FAM222B: variants seen among roughly 807,000 people sequenced by gnomAD.
The protein encoded by FAM222B is protein FAM222B.
FAM222B carries 12 observed loss-of-function variants against 38.0 expected under a neutral mutation model. That is an observed-to-expected ratio of 0.32 (90% CI 0.20 to 0.51). The LOEUF (loss-of-function observed/expected upper bound fraction) is 0.51, where lower values mean the gene tolerates loss of function less well. FAM222B is among the 20% of genes least tolerant of loss of function. The probability of loss-of-function intolerance (pLI) is 0.97; values close to 1 mark genes in which losing one functional copy is unlikely to be tolerated. For missense variants in FAM222B, 716 were observed against 754.2 expected (o/e 0.95, Z 0.59); for synonymous variants, 329 against 317.2 (o/e 1.04, Z -0.40).
intron 1 of FAM222B, among the ~76,000 whole-genome samples, chr17:28,781,172 C>G (rs1453357910): frequency 6.6e-6 from 1 of 152,036 alleles, no homozygotes; most frequent in African/African-American, 2.4e-5. Context: ...GTGGCTCACA[C>G]CTGTAGTCCC....
intron 2 of FAM222B, among the ~76,000 whole-genome samples, chr17:28,766,129 T>C (rs1257765160): frequency 6.6e-6 from 1 of 152,094 alleles, no homozygotes; most frequent in Non-Finnish European, 1.5e-5. Flanking sequence ...ACAATTAAAA[T>C]TGAGATACAA....
At chr17:28,812,498 C>G (rs955838970) in intron 1 of FAM222B, 1 of 152,132 alleles carries the variant, frequency 6.6e-6, no homozygotes. Context: ...CCTGGCTCTT[C>G]GCGAGCCCTC....
At chr17:28,769,257 G>A (rs1311153398) in intron 1 of FAM222B, among the ~76,000 whole-genome samples, 1 of 131,682 alleles carries the variant, frequency 7.6e-6, no homozygotes, top group Non-Finnish European at 1.5e-5. Flanking sequence ...TCGGTTCACT[G>A]CAACCTCCGC....
intron 1 of FAM222B, among the ~76,000 whole-genome samples, chr17:28,779,857 T>G (rs542388644): frequency 1.3e-5 from 2 of 152,096 alleles, no homozygotes; most frequent in African/African-American, 4.8e-5. Flanking sequence ...ATAAAAGCAA[T>G]GTACCTCAAT....
intron 1 of FAM222B, among the ~76,000 whole-genome samples, chr17:28,807,065 G>A (rs536153982): frequency 1.3e-5 from 2 of 151,268 alleles, no homozygotes; most frequent in Admixed American, 6.6e-5. Flanking sequence ...GCCCAGGCTG[G>A]AGTGCAATGG....
intron 1 of FAM222B, among the ~76,000 whole-genome samples, chr17:28,817,402 G>C (rs1390339337): frequency 1.4e-5 from 2 of 147,384 alleles, no homozygotes; most frequent in Non-Finnish European, 3.0e-5. Context: ...AACAGAGTGA[G>C]ACTCTGTCTC....
intron 1 of FAM222B, among the ~76,000 whole-genome samples, chr17:28,819,876 C>CCAAATG (rs1361303882): frequency 6.6e-6 from 1 of 152,152 alleles, no homozygotes; most frequent in African/African-American, 2.4e-5. Context: ...TTAGCAGTCA[C>CCAAATG]CAAATGCAAA....
At chr17:28,787,372 T>C (rs1156299134) in intron 1 of FAM222B, among the ~76,000 whole-genome samples, 1 of 152,226 alleles carries the variant, frequency 6.6e-6, no homozygotes, top group Non-Finnish European at 1.5e-5. Flanking sequence ...AGCCTGAGTA[T>C]GGACCATGAG....
intron 1 of FAM222B, among the ~76,000 whole-genome samples, chr17:28,768,836 CAAAAAAAA>C (rs71359249): frequency 2.5e-4 from 18 of 70,888 alleles, no homozygotes; most frequent in African/African-American, 4.4e-4. Flanking sequence ...AACTCTGTCT[CAAAAAAAA>C]AAAAAAAAAA....
intron 1 of FAM222B, among the ~76,000 whole-genome samples, chr17:28,814,507 A>C (rs941750776): frequency 1.2e-4 from 19 of 152,078 alleles, no homozygotes; most frequent in Non-Finnish European, 2.4e-4. Flanking sequence ...CCCAAGCTGG[A>C]GTGCAGTGGT....
rs141957002 is a variant in FAM222B at position 28,803,695 on chromosome 17, T to C, written c.-40-36988A>G. On this transcript the variant is annotated intron_variant, in intron 1 of 2. Coordinates refer to ENST00000581407, the MANE Select transcript of FAM222B (RefSeq NM_001077498.3). ...CAGAAGACACCAACAATGAAGACAT[T>C]TCAGCCAGGTGCGGTGGCTCACGCC... 6.9e-3 allele frequency among the ~76,000 whole-genome samples: 1,044 copies of C among 152,126 alleles called. 19 individuals carry two copies. The highest frequency in any genetic ancestry group is 0.024 in the African/African-American group (1,000 of 41,474).
chr17:28,775,315 T>A (rs948608479), intron 1 of FAM222B, among the ~76,000 whole-genome samples: 1 of 151,992 alleles, frequency 6.6e-6, no homozygotes, highest in African/African-American at 2.4e-5. Context: ...GAGGAGAAGA[T>A]AAAGTACTGG....
intron 1 of FAM222B, chr17:28,812,018 A>AT (rs1272158525): frequency 6.6e-6 from 1 of 152,216 alleles, no homozygotes; most frequent in Non-Finnish European, 1.5e-5. Flanking sequence ...AAAAGAGATA[A>AT]GAGTCCTGAA....
intron 1 of FAM222B, among the ~76,000 whole-genome samples, chr17:28,815,881 C>T (rs1289907714): frequency 2.0e-5 from 3 of 151,422 alleles, no homozygotes; most frequent in African/African-American, 7.3e-5. Flanking sequence ...GTAGGAGAAT[C>T]GCTTGAAACC....
intron 1 of FAM222B, among the ~76,000 whole-genome samples, chr17:28,799,806 G>T (rs1247151609): frequency 4.6e-5 from 7 of 151,942 alleles, no homozygotes; most frequent in Admixed American, 4.6e-4. Context: ...ACAAGATCTC[G>T]GCTGTTGCCC....
Position 28,837,432 on chromosome 17 carries a change from A to G in FAM222B, c.-41+5250T>C, listed in dbSNP as rs577137368. 2.9e-3 allele frequency among the ~76,000 whole-genome samples: 436 copies of G among 151,350 alleles called. 4 individuals carry two copies. The highest frequency in any genetic ancestry group is 0.01 in the African/African-American group (421 of 41,416). The stretch of plus-strand genomic sequence containing the variant: ...GCGACCGAGGGAGACTCCGTCTCAA[A>G]AAAAAAAAAAATAAATAAATAAATT... On this transcript the variant is annotated intron_variant, in intron 1 of 2. Coordinates refer to ENST00000581407, the MANE Select transcript of FAM222B (RefSeq NM_001077498.3).
chr17:28,824,985 G>A (rs1026796075), intron 1 of FAM222B, among the ~76,000 whole-genome samples: 2 of 152,010 alleles, frequency 1.3e-5, no homozygotes, highest in Admixed American at 6.6e-5. Flanking sequence ...GGCTGGTCTC[G>A]AACTCCTGAC....
At chr17:28,829,279 A>G (rs1161815631) in intron 1 of FAM222B, among the ~76,000 whole-genome samples, 1 of 148,088 alleles carries the variant, frequency 6.8e-6, no homozygotes, top group African/African-American at 2.5e-5. Context: ...CAATGGCGCC[A>G]TCTTGGCTCA....
At chr17:28,791,573 C>CA (rs1314351462) in intron 1 of FAM222B, among the ~76,000 whole-genome samples, 1 of 149,932 alleles carries the variant, frequency 6.7e-6, no homozygotes, top group African/African-American at 2.5e-5. Context: ...AAACAAAAAA[C>CA]AAAAAACAAA....
Sources: gnomAD v4.1 joint callset for allele counts (sites outside exome capture counted in the v4.1 genomes callset) on GRCh38, gnomAD v4.1.1 for gene constraint, MANE v1.5 for transcripts, NCBI Gene and HGNC (gene_info 2026-07-23, HGNC 2026-07-21) for gene names.